DOK5: variants seen among roughly 807,000 people sequenced by gnomAD.
DOK5 encodes downstream of tyrosine kinase 5.
A neutral mutation model predicts 43.3 loss-of-function variants in DOK5; 27 were observed. The ratio of observed to expected loss-of-function variants is 0.62; its 90% CI spans 0.46 to 0.86. The LOEUF (loss-of-function observed/expected upper bound fraction) is 0.86, where lower values mean the gene tolerates loss of function less well. Ranked by LOEUF, DOK5 falls within the 40% of genes least tolerant of loss-of-function variation. The pLI, the probability that DOK5 is intolerant of heterozygous loss-of-function variation, is 0.00. For synonymous variants in DOK5, 146 were observed against 140.1 expected, an observed-to-expected ratio of 1.04 and a Z score of -0.30; for missense variants, 373 against 392.9, an observed-to-expected ratio of 0.95 and a Z score of 0.43.
chr20:54,593,357 C>G (rs6014073), intron 5 of DOK5, among the ~76,000 whole-genome samples: 28,107 of 152,054 alleles, frequency 0.18, 5,064 homozygotes, highest in African/African-American at 0.47. Flanking sequence ...CAACTGTCTG[C>G]AAAGTTTTTT....
chr20:54,624,695 G>A (rs532287410), intron 6 of DOK5, among the ~76,000 whole-genome samples: 136 of 152,162 alleles, frequency 8.9e-4, no homozygotes, highest in Non-Finnish European at 1.5e-3. Context: ...AAAAGTTACC[G>A]GAGGCAAAGG....
chr20:54,531,565 G>T (rs901283287), intron 1 of DOK5, among the ~76,000 whole-genome samples: 3 of 152,206 alleles, frequency 2.0e-5, no homozygotes. Context: ...TAGAAGTTGA[G>T]TCTCTTGCCT....
chr20:54,632,447 A>G (rs1011920588), intron 6 of DOK5, among the ~76,000 whole-genome samples: 1 of 152,258 alleles, frequency 6.6e-6, no homozygotes, highest in Non-Finnish European at 1.5e-5. Context: ...ATCATGATAT[A>G]GAGCTAATTC....
rs565803445 is a variant in DOK5, at chr20:54,573,466, T to C, written c.175-15017T>C. Among the ~76,000 whole-genome samples, 5 of 152,194 alleles carry C rather than the reference T, an allele frequency of 3.3e-5. No individual in the cohort carries two copies. The South Asian group carries it at 1.0e-3, about 32-fold the overall frequency. ...ACTTTGGGAGGCCGAGGCAGGCAGA[T>C]CATGAGGTCAAGAGATCAAGACCAT... On this transcript the variant is annotated intron_variant, in intron 2 of 7. Transcript: ENST00000262593.
rs142666452 is a variant in DOK5 at position 54,575,422 on chromosome 20, G to C, written c.175-13061G>C. The stretch of plus-strand genomic sequence containing the variant: ...TCTTAGTTGTGTAAATGGCTTTGAA[G>C]TGATGTGAGACAACCCTGTTATTTT... On this transcript the variant is annotated intron_variant, in intron 2 of 7. Coordinates refer to ENST00000262593, the MANE Select transcript of DOK5 (RefSeq NM_018431.5). Among the ~76,000 whole-genome samples, 180 of 152,248 alleles carry C rather than the reference G, an allele frequency of 1.2e-3. 1 individual carries two copies. Among genetic ancestry groups the C allele is most frequent in the South Asian group, 6.4e-3 (31 of 4,810 alleles).
At chr20:54,500,484 A>AT (rs11347726) in intron 1 of DOK5, among the ~76,000 whole-genome samples, 3 of 148,740 alleles carry the variant, frequency 2.0e-5, no homozygotes, top group Non-Finnish European at 4.5e-5. Flanking sequence ...ATTTCTTCCT[A>AT]TTTTTTTCTC....
intron 5 of DOK5, among the ~76,000 whole-genome samples, chr20:54,602,963 G>A (rs1167051387): frequency 1.3e-5 from 2 of 152,246 alleles, no homozygotes; most frequent in African/African-American, 2.4e-5. Context: ...GAGCCACCGC[G>A]CCCAGACTTT....
chr20:54,514,725 T>C (rs765021515), intron 1 of DOK5, among the ~76,000 whole-genome samples: 13 of 150,820 alleles, frequency 8.6e-5, no homozygotes, highest in Middle Eastern at 3.5e-3. Context: ...AGAAGAAACA[T>C]GTAGGTCCCT....
chr20:54,626,596 T>C (rs181365278), intron 6 of DOK5, among the ~76,000 whole-genome samples: 301 of 152,334 alleles, frequency 2.0e-3, no homozygotes, highest in Non-Finnish European at 3.8e-3. Flanking sequence ...ATTCCTAACC[T>C]TGTTAAGAAG....
chr20:54,629,496 A>G (rs1363113168), intron 6 of DOK5, among the ~76,000 whole-genome samples: 1 of 152,228 alleles, frequency 6.6e-6, no homozygotes, highest in African/African-American at 2.4e-5. Context: ...ACTTTACCAG[A>G]TTCCTTTGAA....
At chr20:54,590,941 G>A (rs942786921) in intron 4 of DOK5, among the ~76,000 whole-genome samples, 2 of 152,194 alleles carry the variant, frequency 1.3e-5, no homozygotes, top group African/African-American at 2.4e-5. Context: ...AGGTTAATCA[G>A]CCAAGCAGTT....
intron 2 of DOK5, among the ~76,000 whole-genome samples, chr20:54,575,178 T>A (rs1395115378): frequency 3.3e-5 from 5 of 152,152 alleles, no homozygotes; most frequent in Admixed American, 2.6e-4. Context: ...TAACACGATC[T>A]TTTCAACAGG....
At chr20:54,532,946 T>G (rs1025513418) in intron 1 of DOK5, among the ~76,000 whole-genome samples, 2 of 152,258 alleles carry the variant, frequency 1.3e-5, no homozygotes, top group African/African-American at 4.8e-5. Flanking sequence ...TATGTCTACC[T>G]GATCCTAAGG....
At chr20:54,643,348 C>T (rs1979216619) in intron 6 of DOK5, 110 bp from the exon 7 acceptor site, 7 of 1,428,700 alleles carry the variant, frequency 4.9e-6, no homozygotes, top group Non-Finnish European at 6.7e-6. Flanking sequence ...CATTGATTTG[C>T]AGCCTGGCCA....
At chr20:54,499,965 A>G (rs1265703540) in intron 1 of DOK5, among the ~76,000 whole-genome samples, 2 of 152,162 alleles carry the variant, frequency 1.3e-5, no homozygotes, top group Non-Finnish European at 2.9e-5. Flanking sequence ...CCTGTAGCCA[A>G]TCCTTGTAAT....
intron 1 of DOK5, among the ~76,000 whole-genome samples, chr20:54,506,538 G>A (rs561309615): frequency 1.9e-4 from 29 of 152,234 alleles, no homozygotes; most frequent in Admixed American, 2.6e-4. Context: ...ATGGCTCACC[G>A]CAGCCTCCAC....
At chr20:54,560,018 T>C (rs1984846136) in intron 2 of DOK5, among the ~76,000 whole-genome samples, 1 of 152,242 alleles carries the variant, frequency 6.6e-6, no homozygotes, top group African/African-American at 2.4e-5. Flanking sequence ...CTAAGCTCAA[T>C]GTCAGACCTT....
At chr20:54,485,941 C>T (rs556506256) in intron 1 of DOK5, among the ~76,000 whole-genome samples, 2 of 152,166 alleles carry the variant, frequency 1.3e-5, no homozygotes, top group African/African-American at 2.4e-5. Context: ...TCCTGTTTGC[C>T]GTCCATGTCA....
chr20:54,484,327 C>T lies in DOK5; in HGVS notation c.66+8315C>T, dbSNP rs191229296. 2.9e-3 allele frequency among the ~76,000 whole-genome samples: 434 copies of T among 151,366 alleles called. 8 individuals are homozygous for T. Among genetic ancestry groups the T allele is most frequent in the Admixed American group, 0.022 (340 of 15,190 alleles). On this transcript the variant is annotated intron_variant, in intron 1 of 7. Transcript: ENST00000262593. ...CCAGGAGGTGGAGGTTGCATTGAGCCGAGATTGCGCCACTGCACTCCAGCC... is the reference window on the plus strand; with the variant it reads ...CCAGGAGGTGGAGGTTGCATTGAGCTGAGATTGCGCCACTGCACTCCAGCC...
Sources: gnomAD v4.1 joint callset for allele counts (sites outside exome capture counted in the v4.1 genomes callset) on GRCh38, gnomAD v4.1.1 for gene constraint, MANE v1.5 for transcripts, NCBI Gene and HGNC (gene_info 2026-07-23, HGNC 2026-07-21) for gene names.